CDC5L: variants seen among roughly 807,000 people sequenced by gnomAD.
CDC5L encodes the protein cell division cycle 5-like protein.
CDC5L carries 18 observed loss-of-function variants against 104.1 expected under a neutral mutation model. The ratio of observed to expected loss-of-function variants is 0.17; its 90% CI spans 0.12 to 0.26. The LOEUF is 0.26. Among genes scored for constraint, CDC5L ranks in the 10% least tolerant of loss-of-function variants. The pLI, the probability that CDC5L is intolerant of heterozygous loss-of-function variation, is 1.00. For missense variants in CDC5L, 673 were observed against 956.9 expected (o/e 0.70, Z 3.91); for synonymous variants, 331 against 322.7 (o/e 1.03, Z -0.28).
intron 5 of CDC5L, among the ~76,000 whole-genome samples, chr6:44,399,153 A>C (rs541100463): frequency 2.6e-5 from 4 of 152,098 alleles, no homozygotes; most frequent in Admixed American, 1.3e-4. Context: ...GAGTCTCGCT[A>C]TGTTGCCCAG....
At chr6:44,402,672 A>G (rs906021172) in intron 5 of CDC5L, among the ~76,000 whole-genome samples, 2 of 152,206 alleles carry the variant, frequency 1.3e-5, no homozygotes, top group African/African-American at 2.4e-5. Flanking sequence ...CCACCCTCCA[A>G]TGACTATCGT....
At chr6:44,407,618 C>T (rs1254654461) in intron 7 of CDC5L, among the ~76,000 whole-genome samples, 1 of 152,184 alleles carries the variant, frequency 6.6e-6, no homozygotes, top group African/African-American at 2.4e-5. Context: ...AGGCATGAGC[C>T]ACCGTGCCCA....
intron 2 of CDC5L, among the ~76,000 whole-genome samples, chr6:44,392,339 T>A (rs185121961): frequency 6.6e-6 from 1 of 152,346 alleles, no homozygotes; most frequent in Admixed American, 6.5e-5. Flanking sequence ...AGAAACGTGA[T>A]TTTGTATTGT....
intron 7 of CDC5L, among the ~76,000 whole-genome samples, chr6:44,406,840 G>C (rs1791387186): frequency 6.6e-6 from 1 of 152,128 alleles, no homozygotes; most frequent in Admixed American, 6.5e-5. Context: ...TGGAACCCGG[G>C]AGGTGGAGGT....
intron 8 of CDC5L, among the ~76,000 whole-genome samples, chr6:44,409,645 C>T (rs964265295): frequency 2.6e-5 from 4 of 152,180 alleles, no homozygotes; most frequent in Non-Finnish European, 2.9e-5. Context: ...CTCTAGACTA[C>T]GCTGGCTGTG....
chr6:44,442,030 G>C (rs1253495405), intron 14 of CDC5L, among the ~76,000 whole-genome samples: 1 of 147,290 alleles, frequency 6.8e-6, no homozygotes, highest in Non-Finnish European at 1.5e-5. Flanking sequence ...TCTACCTCCT[G>C]GGTTCAAGCT....
At chr6:44,390,566 C>T (rs1210908082) in intron 2 of CDC5L, among the ~76,000 whole-genome samples, 195 bp downstream of exon 2, 1 of 152,048 alleles carries the variant, frequency 6.6e-6, no homozygotes, top group East Asian at 1.9e-4. Context: ...TTTTTCTATC[C>T]CTCTCCCCTG....
intron 1 of CDC5L, 140 bp from the exon 2 acceptor site, chr6:44,390,128 C>A: frequency 1.7e-6 from 1 of 586,900 alleles, no homozygotes. Context: ...GGTTTTCATC[C>A]TTAGTCTTTT....
chr6:44,416,826 A>T (rs1169891420), intron 8 of CDC5L, among the ~76,000 whole-genome samples: 4 of 152,138 alleles, frequency 2.6e-5, no homozygotes, highest in Non-Finnish European at 5.9e-5. Context: ...AGGAATATAT[A>T]CTTTTGCCAT....
chr6:44,418,751 T>C (rs1222248794), intron 8 of CDC5L, among the ~76,000 whole-genome samples: 30 of 152,318 alleles, frequency 2.0e-4, no homozygotes, highest in Admixed American at 9.8e-4. Flanking sequence ...CCAGTGATGA[T>C]GAGCATTTTT....
In CDC5L at chr6:44,448,555, G is replaced by A. The variant is rs1581666287; in HGVS notation, c.*1844G>A. On this transcript the variant is annotated 3_prime_UTR_variant, in exon 16 of 16. Coordinates refer to ENST00000371477, the MANE Select transcript of CDC5L (RefSeq NM_001253.4). ...TGGAGATATGTGGAGAGACATGATA[G>A]GTATATACTTAATAGTCTTATCAGA... The A allele has an allele frequency of 6.6e-6, 1 of 152,064 alleles. No homozygotes were observed. 9.4% of individuals were successfully genotyped at this position (152,064 alleles called of 1,614,324 possible).
chr6:44,409,777 C>T (rs1046150355), intron 8 of CDC5L, among the ~76,000 whole-genome samples: 37 of 152,112 alleles, frequency 2.4e-4, no homozygotes, highest in African/African-American at 7.2e-4. Flanking sequence ...ATAGCTTGTT[C>T]TTTTGATTTC....
chr6:44,428,119 A>T (rs952746878), intron 13 of CDC5L, among the ~76,000 whole-genome samples: 1 of 152,234 alleles, frequency 6.6e-6, no homozygotes, highest in Non-Finnish European at 1.5e-5. Context: ...CGTAATGATT[A>T]TAAGATCTGA....
At chr6:44,406,024 C>G (rs1791348848) in intron 6 of CDC5L, among the ~76,000 whole-genome samples, 1 of 151,966 alleles carries the variant, frequency 6.6e-6, no homozygotes, top group African/African-American at 2.4e-5. Context: ...GCCTCAGCCT[C>G]CCGAGTAGCT....
At chr6:44,413,922 A>G (rs1329251958) in intron 8 of CDC5L, among the ~76,000 whole-genome samples, 1 of 152,130 alleles carries the variant, frequency 6.6e-6, no homozygotes, top group African/African-American at 2.4e-5. Flanking sequence ...AAGGGTTCTA[A>G]TTCTTTACAT....
chr6:44,405,712 T>C (rs1200474896), intron 6 of CDC5L, among the ~76,000 whole-genome samples: 1 of 152,188 alleles, frequency 6.6e-6, no homozygotes, highest in Non-Finnish European at 1.5e-5. Flanking sequence ...AATATAGGAA[T>C]AGTTTTTGAC....
At chr6:44,390,509 G>A (rs1233032028) in intron 2 of CDC5L, 138 bp downstream of exon 2, 29 of 627,010 alleles carry the variant, frequency 4.6e-5, no homozygotes, top group Non-Finnish European at 6.2e-5. Flanking sequence ...GAAGTTGGGT[G>A]TTTGACTTAG....
At chr6:44,406,939 A>C (rs1409887626) in intron 7 of CDC5L, among the ~76,000 whole-genome samples, 1 of 151,876 alleles carries the variant, frequency 6.6e-6, no homozygotes, top group Admixed American at 6.5e-5. Context: ...AACAAAAAAA[A>C]ACAAAAAAAA....
rs749136337 is a variant in CDC5L, at chr6:44,393,466, A to G, written c.332A>G (p.Asp111Gly). 1.1e-5 allele frequency: 18 copies of G among 1,613,946 alleles called. No individual in the cohort carries two copies. Among genetic ancestry groups the G allele is most frequent in the Non-Finnish European group, 1.5e-5 (18 of 1,179,904 alleles). Residue 111 changes from aspartate (D) to glycine (G), a missense_variant, in exon 4 of 16, where the codon GAC becomes GGC. Physicochemically the swap from Asp to Gly is moderately conservative, Grantham distance 94 (BLOSUM62 -1). Transcript: ENST00000371477. ...TCTAGGGATAAAGCTGCCCAAAGAGACAATGAAGAGGAAACAACAGATGAT... is the reference window on the plus strand; with the variant it reads ...TCTAGGGATAAAGCTGCCCAAAGAGGCAATGAAGAGGAAACAACAGATGAT... The part of the protein sequence containing the change: ...EFLLDKAAQR[D>G]NEEETTDDPR...
Sources: allele counts gnomAD v4.1 joint callset (sites outside exome capture counted in the v4.1 genomes callset), GRCh38; gene constraint gnomAD v4.1.1; transcripts MANE v1.5; gene names NCBI Gene and HGNC (gene_info 2026-07-23, HGNC 2026-07-21).